Variants in EPHA6 observed in about 807,000 individuals in gnomAD.
The protein encoded by EPHA6 is EPH receptor A6, also known as ephrin type-A receptor 6.
A neutral mutation model predicts 112.0 loss-of-function variants in EPHA6; 50 were observed. The ratio of observed to expected loss-of-function variants is 0.45; its 90% CI spans 0.36 to 0.56. EPHA6 has a LOEUF of 0.56. Among genes scored for constraint, EPHA6 ranks in the 20% least tolerant of loss-of-function variants. The pLI, the probability that EPHA6 is intolerant of heterozygous loss-of-function variation, is 0.00. For missense variants in EPHA6, 1,280 were observed against 1,417.4 expected (o/e 0.90, Z 1.56); for synonymous variants, 529 against 490.7 (o/e 1.08, Z -1.03).
At chr3:97,338,836 G>A (rs1434735261) in intron 5 of EPHA6, among the ~76,000 whole-genome samples, 1 of 152,178 alleles carries the variant, frequency 6.6e-6, no homozygotes, top group African/African-American at 2.4e-5. Flanking sequence ...ATGGAGGGGT[G>A]CTGAAACATT....
chr3:97,310,150 T>G (rs934808625), intron 5 of EPHA6, among the ~76,000 whole-genome samples: 11 of 151,538 alleles, frequency 7.3e-5, no homozygotes, highest in Admixed American at 6.6e-4. Context: ...CCACAACTCC[T>G]CTCTTTCTAC....
At chr3:97,335,458 G>T (rs1042764129) in intron 5 of EPHA6, among the ~76,000 whole-genome samples, 1 of 152,152 alleles carries the variant, frequency 6.6e-6, no homozygotes, top group Admixed American at 6.6e-5. Context: ...CCAATATTTT[G>T]TTCATGAATA....
chr3:97,132,114 A>G (rs1232455675), intron 3 of EPHA6, among the ~76,000 whole-genome samples: 2 of 152,114 alleles, frequency 1.3e-5, no homozygotes, highest in Non-Finnish European at 2.9e-5. Context: ...GTTTGATAAT[A>G]AAAACAACAA....
intron 2 of EPHA6, among the ~76,000 whole-genome samples, chr3:96,872,033 C>T (rs190161535): frequency 9.9e-5 from 15 of 151,962 alleles, no homozygotes; most frequent in African/African-American, 2.7e-4. Flanking sequence ...CACTTGGAAG[C>T]GATAGATAAG....
At chr3:97,129,934 A>G (rs2048293260) in intron 3 of EPHA6, among the ~76,000 whole-genome samples, 1 of 152,190 alleles carries the variant, frequency 6.6e-6, no homozygotes, top group Non-Finnish European at 1.5e-5. Flanking sequence ...GGCTAAACTG[A>G]TACAGCATTC....
At chr3:97,058,191 G>A in intron 3 of EPHA6, among the ~76,000 whole-genome samples, 1 of 151,870 alleles carries the variant, frequency 6.6e-6, no homozygotes, top group East Asian at 1.9e-4. Context: ...AGGTATGCAT[G>A]TTTATATATA....
At chr3:97,747,039 G>A (rs1576396538) in intron 16 of EPHA6, among the ~76,000 whole-genome samples, 1 of 151,778 alleles carries the variant, frequency 6.6e-6, no homozygotes, top group Admixed American at 6.6e-5. Flanking sequence ...TCTCCTTGTG[G>A]GGATAAGGGA....
intron 16 of EPHA6, among the ~76,000 whole-genome samples, chr3:97,739,374 C>G (rs1390330678): frequency 6.6e-6 from 1 of 151,666 alleles, no homozygotes; most frequent in Admixed American, 6.6e-5. Flanking sequence ...ATTCTAATTG[C>G]TTTTTTCTCA....
At chr3:96,883,645 A>G (rs932093122) in intron 2 of EPHA6, among the ~76,000 whole-genome samples, 4 of 152,056 alleles carry the variant, frequency 2.6e-5, no homozygotes, top group Non-Finnish European at 4.4e-5. Context: ...CTAGCCAGTT[A>G]TCTCAACACC....
At chr3:97,659,668 G>A (rs751379595) in intron 14 of EPHA6, among the ~76,000 whole-genome samples, 29 of 152,016 alleles carry the variant, frequency 1.9e-4, no homozygotes, top group African/African-American at 5.5e-4. Flanking sequence ...GAAATATAAC[G>A]TAACACAGTA....
intron 6 of EPHA6, among the ~76,000 whole-genome samples, chr3:97,430,660 T>C (rs1394076866): frequency 1.3e-5 from 2 of 152,152 alleles, no homozygotes; most frequent in Admixed American, 1.3e-4. Context: ...TGGATGGGCA[T>C]TTTCAAATCA....
chr3:97,128,857 C>T (rs2048255251), intron 3 of EPHA6, among the ~76,000 whole-genome samples: 1 of 149,530 alleles, frequency 6.7e-6, no homozygotes, highest in Non-Finnish European at 1.5e-5. Flanking sequence ...TCTTCTACTA[C>T]CTGAATTTTT....
intron 5 of EPHA6, among the ~76,000 whole-genome samples, chr3:97,260,947 G>C (rs1471436106): frequency 6.6e-6 from 1 of 152,200 alleles, no homozygotes; most frequent in East Asian, 1.9e-4. Flanking sequence ...GCCTCAGCCA[G>C]ATGCAAACAC....
intron 3 of EPHA6, among the ~76,000 whole-genome samples, chr3:97,205,855 A>G (rs955080650): frequency 1.3e-5 from 2 of 152,138 alleles, no homozygotes; most frequent in African/African-American, 4.8e-5. Context: ...AACATGTTAC[A>G]TAAATTGCAT....
intron 2 of EPHA6, among the ~76,000 whole-genome samples, chr3:96,949,055 G>C (rs142428351): frequency 3.3e-5 from 5 of 152,126 alleles, no homozygotes; most frequent in Admixed American, 2.6e-4. Flanking sequence ...AATAAAATTG[G>C]TGTTGGATGA....
At chr3:97,037,578 C>G (rs2045150414) in intron 3 of EPHA6, among the ~76,000 whole-genome samples, 1 of 151,926 alleles carries the variant, frequency 6.6e-6, no homozygotes, top group Admixed American at 6.6e-5. Context: ...AAATGCCATA[C>G]TAGAGAGTTT....
chr3:97,501,625 T>C (rs1041652881), intron 10 of EPHA6, among the ~76,000 whole-genome samples: 1 of 152,020 alleles, frequency 6.6e-6, no homozygotes, highest in African/African-American at 2.4e-5. Context: ...AGAAAATTTC[T>C]AGACCTAAAT....
chr3:97,534,136 T>G (rs2092729055), intron 11 of EPHA6, among the ~76,000 whole-genome samples: 1 of 152,172 alleles, frequency 6.6e-6, no homozygotes, highest in African/African-American at 2.4e-5. Flanking sequence ...ATCTGTATCC[T>G]TTACTTCCAC....
chr3:97,245,317 C>T (rs1313088085), intron 5 of EPHA6, among the ~76,000 whole-genome samples: 1 of 151,914 alleles, frequency 6.6e-6, no homozygotes, highest in Non-Finnish European at 1.5e-5. Flanking sequence ...GTCTGTCCTC[C>T]TTATGTCTAA....
Sources: gnomAD v4.1 joint callset for allele counts (sites outside exome capture counted in the v4.1 genomes callset) on GRCh38, gnomAD v4.1.1 for gene constraint, MANE v1.5 for transcripts, NCBI Gene and HGNC (gene_info 2026-07-23, HGNC 2026-07-21) for gene names.